The following CEP290 variants were observed in gnomAD, a reference collection of about 807,000 sequenced individuals.
CEP290 encodes centrosomal protein of 290 kDa.
Under a neutral mutation model 344.9 loss-of-function variants are expected in CEP290, and 317 were observed. The observed-to-expected ratio is 0.92, with a 90% CI of 0.84 to 1.01. CEP290 has a LOEUF of 1.01. CEP290 is among the 50% of genes least tolerant of loss of function. The pLI, the probability that CEP290 is intolerant of heterozygous loss-of-function variation, is 0.00. For missense variants in CEP290, 2,754 were observed against 2,761.4 expected (o/e 1.00, Z 0.06); for synonymous variants, 932 against 895.8 (o/e 1.04, Z -0.72).
chr12:88,106,318 A>G (rs2038275634), intron 25 of CEP290, among the ~76,000 whole-genome samples: 1 of 152,186 alleles, frequency 6.6e-6, no homozygotes, highest in Non-Finnish European at 1.5e-5. Context: ...ATTCTATATT[A>G]AAAAGATTTA....
chr12:88,084,527 T>A, intron 35 of CEP290, 59 bp downstream of exon 35: 1 of 1,324,786 alleles, frequency 7.5e-7, no homozygotes, highest in Non-Finnish European at 1.0e-6. Context: ...AAAATAATAT[T>A]TAGCATTTGC....
At chr12:88,116,127 C>T (rs2039021934) in intron 18 of CEP290, 3 of 910,528 alleles carry the variant, frequency 3.3e-6, no homozygotes, top group South Asian at 1.0e-4. Flanking sequence ...AGATGAATTG[C>T]TTTTTTGTAC....
intron 22 of CEP290, among the ~76,000 whole-genome samples, chr12:88,109,586 C>G (rs1302776024): frequency 6.6e-6 from 1 of 152,110 alleles, no homozygotes; most frequent in Non-Finnish European, 1.5e-5. Flanking sequence ...AACTCATTAA[C>G]ACTACACTTG....
chr12:88,051,864 T>C (rs1450573914), intron 52 of CEP290: 1 of 152,170 alleles, frequency 6.6e-6, no homozygotes, highest in Admixed American at 6.5e-5. Context: ...CTATGAGACA[T>C]ATTTTGAGAG....
intron 14 of CEP290, among the ~76,000 whole-genome samples, 159 bp from the exon 15 acceptor site, chr12:88,120,435 C>T (rs2039333751): frequency 6.6e-6 from 1 of 151,900 alleles, no homozygotes. Context: ...TAAACCAAAT[C>T]CAGTAATAAT....
Position 88,054,565 on chromosome 12 carries a change from A to G in CEP290, c.6961-152T>C, listed in dbSNP as rs993728412. ...CTATGTTCTATTCACCATTCATTCA[A>G]CAAGTATTGAGTAACTACTGCATAA... On this transcript the variant is annotated intron_variant, in intron 50 of 53. Coordinates refer to ENST00000552810, the MANE Select transcript of CEP290 (RefSeq NM_025114.4). Among the ~76,000 whole-genome samples, 9 of 152,304 alleles carry G rather than the reference A, an allele frequency of 5.9e-5. No homozygotes were observed. In the East Asian group the frequency reaches 1.7e-3, roughly 29 times the overall value.
chr12:88,071,495 G>A (rs369097494), intron 42 of CEP290, 46 bp from the exon 43 acceptor site: 8 of 1,512,162 alleles, frequency 5.3e-6, no homozygotes, highest in Middle Eastern at 3.5e-4. Context: ...TTCAGTGTTT[G>A]GCTTTTCAAT....
rs2035411720 is a variant in CEP290, at chr12:88,071,956, T to C, written c.5710-30A>G. On this transcript the variant is annotated intron_variant, in intron 41 of 53. Transcript: ENST00000552810. ...AACAATAACGAAGGAGGTAGGAAAA[T>C]TACCAGTGTTATTTTAAATTTTCTT... 3 of 1,526,074 alleles carry C rather than the reference T, an allele frequency of 2.0e-6. No homozygotes were observed. In the East Asian group the frequency reaches 7.1e-5, roughly 36 times the overall value. 94.5% of individuals were successfully genotyped at this position (1,526,074 alleles called of 1,614,324 possible).
intron 27 of CEP290, among the ~76,000 whole-genome samples, chr12:88,094,825 C>T (rs2471537): frequency 0.78 from 118,736 of 152,068 alleles, 50,410 homozygotes; most frequent in East Asian, 0.96. Context: ...ACTTTGTAAA[C>T]AGCCTTTTAC....
At chr12:88,084,148 C>A (rs1204540034) in intron 35 of CEP290, among the ~76,000 whole-genome samples, 194 bp from the exon 36 acceptor site, 1 of 152,108 alleles carries the variant, frequency 6.6e-6, no homozygotes, top group Admixed American at 6.5e-5. Flanking sequence ...CAAGCCCAGC[C>A]TCAGTTCATA....
At chr12:88,094,458 T>A (rs889251092) in intron 27 of CEP290, among the ~76,000 whole-genome samples, 46 of 152,270 alleles carry the variant, frequency 3.0e-4, no homozygotes, top group African/African-American at 1.1e-3. Flanking sequence ...CTACCAAATA[T>A]AATCTTGTCT....
At chr12:88,066,582 A>T (rs563190417) in intron 44 of CEP290, among the ~76,000 whole-genome samples, 17 of 151,310 alleles carry the variant, frequency 1.1e-4, no homozygotes, top group African/African-American at 4.1e-4. Context: ...GATTGCAGGC[A>T]TGAGCCACTT....
chr12:88,107,747 C>G (rs760029273), intron 23 of CEP290, among the ~76,000 whole-genome samples: 1 of 151,562 alleles, frequency 6.6e-6, no homozygotes, highest in Non-Finnish European at 1.5e-5. Flanking sequence ...ACCAAAAATA[C>G]AAAAATTAGC....
intron 26 of CEP290, among the ~76,000 whole-genome samples, chr12:88,099,578 T>C (rs1409348301): frequency 6.6e-6 from 1 of 151,968 alleles, no homozygotes; most frequent in African/African-American, 2.4e-5. Flanking sequence ...ACCTGGAAAA[T>C]AAGCCAATAT....
Position 88,117,043 on chromosome 12 carries a change from G to T in CEP290, c.1814C>A (p.Ala605Glu), listed in dbSNP as rs1343722211. 14 of 1,440,206 alleles carry T rather than the reference G, an allele frequency of 9.7e-6. No individual in the cohort carries two copies. Among genetic ancestry groups the T allele is most frequent in the Non-Finnish European group, 1.2e-5 (13 of 1,044,890 alleles). 89.2% of individuals were successfully genotyped at this position (1,440,206 alleles called of 1,614,324 possible). The change falls in exon 18 of 54, where the codon GCA becomes GAA. Residue 605 changes from alanine to glutamate, a missense_variant. Physicochemically the swap from Ala to Glu is moderately radical, Grantham distance 107. Transcript: ENST00000552810. ...ATACTTTACTATTACCTTTGATTGT[G>T]CTTCACTCATATTTTTGAGGCTCAA... The part of the protein sequence containing the change: ...DLLSLKNMSE[A>E]QSKNEFLSRE...
intron 5 of CEP290, among the ~76,000 whole-genome samples, chr12:88,137,578 C>A (rs1008823611): frequency 6.6e-6 from 1 of 152,136 alleles, no homozygotes; most frequent in Non-Finnish European, 1.5e-5. Context: ...CTTACTCTTT[C>A]TCTCCTCCAA....
intron 23 of CEP290, among the ~76,000 whole-genome samples, chr12:88,107,411 AG>A (rs951828110): frequency 6.6e-6 from 1 of 152,100 alleles, no homozygotes; most frequent in Non-Finnish European, 1.5e-5. Flanking sequence ...GAAAAAAAGT[AG>A]GAAAATAATA....
intron 22 of CEP290, among the ~76,000 whole-genome samples, chr12:88,110,580 A>T (rs1378657368): frequency 6.6e-6 from 1 of 151,996 alleles, no homozygotes; most frequent in Non-Finnish European, 1.5e-5. Flanking sequence ...CCAGGGATGC[A>T]TGCCTGTAGT....
In CEP290 at chr12:88,050,366, C is replaced by T. The variant is rs779550219; in HGVS notation, c.7197G>A (p.Lys2399=). ...AATTAAATATTACCTTCAAATGCTG[C>T]TTTTCTAGATCTGACATTTTGAGCT... The part of the protein sequence containing the change: ...ETQLKMSDLE[K]QHLKEEIKKL... Residue 2399 remains lysine (K), a synonymous_variant, in exon 53 of 54, where the codon AAG becomes AAA. Transcript: ENST00000552810. 20 of 1,517,446 alleles carry T rather than the reference C, an allele frequency of 1.3e-5. No individual in the cohort carries two copies. Among genetic ancestry groups the T allele is most frequent in the Non-Finnish European group, 1.7e-5 (19 of 1,103,960 alleles). 94.0% of individuals were successfully genotyped at this position (1,517,446 alleles called of 1,614,324 possible).
Sources: gnomAD v4.1 joint callset for allele counts (sites outside exome capture counted in the v4.1 genomes callset) on GRCh38, gnomAD v4.1.1 for gene constraint, MANE v1.5 for transcripts, NCBI Gene and HGNC (gene_info 2026-07-23, HGNC 2026-07-21) for gene names.